FGF14: variants seen among roughly 807,000 people sequenced by gnomAD.
The protein encoded by FGF14 is fibroblast growth factor homologous factor 4.
Under a neutral mutation model 25.5 loss-of-function variants are expected in FGF14, and 5 were observed. The observed-to-expected ratio is 0.20, with a 90% CI of 0.10 to 0.41. FGF14 has a LOEUF of 0.41. Among genes scored for constraint, FGF14 ranks in the 10% least tolerant of loss-of-function variants. FGF14 has a pLI of 1.00. For synonymous variants in FGF14, 138 were observed against 118.3 expected, an observed-to-expected ratio of 1.17 and a Z score of -1.08; for missense variants, 222 against 320.1, an observed-to-expected ratio of 0.69 and a Z score of 2.34.
chr13:102,144,356 A>G (rs1309744188), intron 1 of FGF14, among the ~76,000 whole-genome samples: 1 of 152,222 alleles, frequency 6.6e-6, no homozygotes, highest in Admixed American at 6.5e-5. Flanking sequence ...GGATTTTTAC[A>G]CTGAACTGCT....
intron 3 of FGF14, among the ~76,000 whole-genome samples, chr13:101,731,791 A>G (rs1480421579): frequency 2.6e-5 from 4 of 152,136 alleles, no homozygotes; most frequent in African/African-American, 9.7e-5. Context: ...GCCAAACACA[A>G]TTTTCACCTG....
At chr13:102,185,119 T>C (rs1173623511) in intron 1 of FGF14, among the ~76,000 whole-genome samples, 2 of 152,130 alleles carry the variant, frequency 1.3e-5, no homozygotes, top group Non-Finnish European at 2.9e-5. Flanking sequence ...GAAATTACTA[T>C]TGCTGGAATA....
intron 1 of FGF14, among the ~76,000 whole-genome samples, chr13:102,221,633 C>CAA (rs1048293591): frequency 2.0e-5 from 3 of 151,812 alleles, no homozygotes; most frequent in African/African-American, 7.3e-5. Flanking sequence ...AACACACACA[C>CAA]ACACACACAC....
chr13:101,955,158 C>G lies in FGF14; in HGVS notation c.209-79862G>C, dbSNP rs151087944. Among the ~76,000 whole-genome samples the G allele has an allele frequency of 1.6e-3, 242 of 152,358 alleles. No homozygotes were observed. The Middle Eastern group carries it at 0.017, about 11-fold the overall frequency. The stretch of plus-strand genomic sequence containing the variant: ...CGTAGATCTAGCAAGCCAGAATGAG[C>G]TATGATCACTGCAGCCTGAACACTT... On this transcript the variant is annotated intron_variant, in intron 1 of 4. Coordinates refer to the FGF14 transcript ENST00000376131.
Position 101,910,247 on chromosome 13 carries a change from AT to A in FGF14, c.193+6205del, listed in dbSNP as rs371938236. Among the ~76,000 whole-genome samples, 309 of 152,152 alleles carry A rather than the reference AT, an allele frequency of 2.0e-3. 7 individuals are homozygous for A. In the South Asian group the frequency reaches 0.035, roughly 17 times the overall value. On this transcript the variant is annotated intron_variant, in intron 1 of 4. Coordinates refer to ENST00000376143, the MANE Select transcript of FGF14 (RefSeq NM_004115.4). The stretch of plus-strand genomic sequence containing the variant: ...ACCCTAAAACATAAAGTATAAAAAA[AT>A]AAATAAAATAAAAAGTAAATCAGAC...
chr13:102,264,893 G>A (rs901017186), intron 1 of FGF14, among the ~76,000 whole-genome samples: 4 of 152,084 alleles, frequency 2.6e-5, no homozygotes, highest in Non-Finnish European at 5.9e-5. Context: ...AAAGGTCAAG[G>A]TCAGTCTCCC....
At chr13:102,180,713 T>C (rs2140747985) in intron 1 of FGF14, among the ~76,000 whole-genome samples, 1 of 152,288 alleles carries the variant, frequency 6.6e-6, no homozygotes, top group Non-Finnish European at 1.5e-5. Flanking sequence ...AGTAATTGCC[T>C]GGGAAGAATG....
At chr13:101,864,879 A>G (rs2044616578) in intron 3 of FGF14, among the ~76,000 whole-genome samples, 1 of 152,152 alleles carries the variant, frequency 6.6e-6, no homozygotes. Flanking sequence ...ATCATTCAGA[A>G]AAATCAATCA....
At position 101,715,553 on chromosome 13, in the gene FGF14, T is replaced by G; in HGVS notation, c.*7278A>C. 6.3e-7 allele frequency: 1 copy of G among 1,594,646 alleles called. No individual in the cohort carries two copies. The highest frequency in any genetic ancestry group is 8.6e-7 in the Non-Finnish European group (1 of 1,162,386). ...TCATAATCATGATACCTATATGTAT[T>G]TTATTGCAGGGAATGGAATATGTAG... On this transcript the variant is annotated 3_prime_UTR_variant, in exon 5 of 5. Transcript: ENST00000376143.
At chr13:102,180,400 C>T (rs1030314731) in intron 1 of FGF14, among the ~76,000 whole-genome samples, 1 of 152,106 alleles carries the variant, frequency 6.6e-6, no homozygotes, top group African/African-American at 2.4e-5. Flanking sequence ...GCAACCTTTG[C>T]CTCCTGGGTT....
chr13:101,996,291 T>G (rs571067634), intron 1 of FGF14, among the ~76,000 whole-genome samples: 1 of 152,118 alleles, frequency 6.6e-6, no homozygotes, highest in African/African-American at 2.4e-5. Flanking sequence ...GACCTTGATG[T>G]TGGAGCTCAG....
At chr13:102,223,921 G>C (rs968208061) in intron 1 of FGF14, among the ~76,000 whole-genome samples, 1 of 152,014 alleles carries the variant, frequency 6.6e-6, no homozygotes, top group South Asian at 2.1e-4. Context: ...TTTTCATTCT[G>C]ATATAAATGA....
intron 1 of FGF14, among the ~76,000 whole-genome samples, chr13:102,158,627 G>A (rs181043937): frequency 0.013 from 2,039 of 151,668 alleles, 47 homozygotes; most frequent in African/African-American, 0.047. Context: ...ATACGTAACA[G>A]ACCTGCACAT....
At chr13:102,129,270 G>T (rs1001803781) in intron 1 of FGF14, among the ~76,000 whole-genome samples, 11 of 151,700 alleles carry the variant, frequency 7.3e-5, no homozygotes, top group Admixed American at 3.9e-4. Context: ...AAGAAAGAAA[G>T]AAAGAAATTA....
chr13:101,917,259 T>C (rs1324369419), upstream of FGF14, among the ~76,000 whole-genome samples: 1 of 152,128 alleles, frequency 6.6e-6, no homozygotes, highest in Admixed American at 6.5e-5. Context: ...TCTTCTCCCC[T>C]GAGATCTCTA....
At chr13:101,865,255 A>C (rs1481175953) in intron 3 of FGF14, among the ~76,000 whole-genome samples, 1 of 152,154 alleles carries the variant, frequency 6.6e-6, no homozygotes. Context: ...TTAGTCTTTC[A>C]AAGTCACAGG....
intron 1 of FGF14, among the ~76,000 whole-genome samples, chr13:102,171,549 T>C (rs9554851): frequency 0.13 from 19,326 of 152,136 alleles, 2,495 homozygotes; most frequent in East Asian, 0.7. Flanking sequence ...AATGAATAAA[T>C]AGAAGAAAAT....
At chr13:102,078,434 A>C (rs899243510) in intron 1 of FGF14, among the ~76,000 whole-genome samples, 1 of 149,326 alleles carries the variant, frequency 6.7e-6, no homozygotes, top group Non-Finnish European at 1.5e-5. Context: ...CAAACAATAC[A>C]CACAAAAAAT....
chr13:102,304,417 G>T (rs761881286), intron 1 of FGF14, among the ~76,000 whole-genome samples: 3 of 152,050 alleles, frequency 2.0e-5, no homozygotes, highest in Admixed American at 6.6e-5. Context: ...CCTAACACGG[G>T]TTCTCTATTC....
Sources: allele counts gnomAD v4.1 joint callset (sites outside exome capture counted in the v4.1 genomes callset), GRCh38; gene constraint gnomAD v4.1.1; transcripts MANE v1.5; gene names NCBI Gene and HGNC (gene_info 2026-07-23, HGNC 2026-07-21).